Variants in LRMDA observed in about 807,000 individuals in gnomAD.
LRMDA encodes leucine-rich melanocyte differentiation-associated protein.
LRMDA carries 18 observed loss-of-function variants against 29.8 expected under a neutral mutation model. That is an observed-to-expected ratio of 0.60 (90% CI 0.42 to 0.90). LRMDA has a LOEUF of 0.90. LRMDA is among the 40% of genes least tolerant of loss of function. LRMDA has a pLI of 0.00. For missense variants in LRMDA, 273 were observed against 273.9 expected (o/e 1.00, Z 0.02); for synonymous variants, 125 against 109.4 (o/e 1.14, Z -0.89).
chr10:75,507,166 A>G (rs573438208), intron 2 of LRMDA, among the ~76,000 whole-genome samples: 3 of 150,754 alleles, frequency 2.0e-5, no homozygotes, highest in Admixed American at 6.6e-5. Flanking sequence ...CTCCCTCGGT[A>G]AATGGTGTAT....
chr10:75,530,065 A>G lies in LRMDA; in HGVS notation c.131+91571A>G, dbSNP rs182520181. 4.3e-3 allele frequency among the ~76,000 whole-genome samples: 657 copies of G among 152,214 alleles called. 3 individuals carry two copies. Among genetic ancestry groups the G allele is most frequent in the African/African-American group, 0.015 (624 of 41,568 alleles). On this transcript the variant is annotated intron_variant, in intron 2 of 6. Coordinates refer to ENST00000611255, the MANE Select transcript of LRMDA (RefSeq NM_001305581.2). ...ATAGAATTTCTTGATTCTTTAAAAC[A>G]TACATATATTTTAGGTAGTTACATA... is the stretch of plus-strand genomic sequence containing the variant.
At chr10:76,151,754 A>G (rs554248149) in intron 5 of LRMDA, among the ~76,000 whole-genome samples, 1 of 152,334 alleles carries the variant, frequency 6.6e-6, no homozygotes, top group African/African-American at 2.4e-5. Context: ...CATATTATAC[A>G]CAACATCCTA....
At chr10:76,202,459 C>A (rs1851450773) in intron 5 of LRMDA, among the ~76,000 whole-genome samples, 1 of 152,122 alleles carries the variant, frequency 6.6e-6, no homozygotes, top group South Asian at 2.1e-4. Flanking sequence ...GTGCATGTAA[C>A]TTCTCCTTGT....
intron 6 of LRMDA, among the ~76,000 whole-genome samples, chr10:76,346,763 G>T (rs963372246): frequency 6.6e-6 from 1 of 152,116 alleles, no homozygotes; most frequent in Admixed American, 6.5e-5. Context: ...AGCTTAGAAA[G>T]ATATTTCCTT....
chr10:75,980,300 T>C (rs1847143732), intron 2 of LRMDA, among the ~76,000 whole-genome samples: 1 of 152,148 alleles, frequency 6.6e-6, no homozygotes, highest in Non-Finnish European at 1.5e-5. Flanking sequence ...TCAAGCACAC[T>C]GGTGAGTGAT....
At chr10:76,085,873 C>T (rs893787425) in intron 5 of LRMDA, among the ~76,000 whole-genome samples, 1 of 152,322 alleles carries the variant, frequency 6.6e-6, no homozygotes, top group South Asian at 2.1e-4. Flanking sequence ...AAGGATTTCA[C>T]CTGCAGATAG....
chr10:76,143,250 C>A lies in LRMDA; in HGVS notation c.516+84467C>A, dbSNP rs537257110. On this transcript the variant is annotated intron_variant, in intron 5 of 6. Transcript: ENST00000611255. The stretch of plus-strand genomic sequence containing the variant: ...TCAAATGGCATTTCTAGTTCTAGAT[C>A]CCTGAGAAATCGCCACACTGACTTC... 4.2e-4 allele frequency among the ~76,000 whole-genome samples: 64 copies of A among 152,256 alleles called. No individual in the cohort carries two copies. In the East Asian group the frequency reaches 0.011, roughly 27 times the overall value.
chr10:76,504,791 T>G (rs533172630), intron 6 of LRMDA, among the ~76,000 whole-genome samples: 119 of 152,210 alleles, frequency 7.8e-4, no homozygotes, highest in Non-Finnish European at 1.4e-3. Context: ...GTGTTTAGAC[T>G]GTTTACATTC....
At chr10:76,111,108 C>T (rs1849571392) in intron 5 of LRMDA, among the ~76,000 whole-genome samples, 1 of 152,190 alleles carries the variant, frequency 6.6e-6, no homozygotes, top group African/African-American at 2.4e-5. Context: ...TTCTCATCCT[C>T]CAGTTCTTAG....
intron 2 of LRMDA, among the ~76,000 whole-genome samples, chr10:75,830,875 G>A (rs540826378): frequency 6.6e-6 from 1 of 152,232 alleles, no homozygotes; most frequent in African/African-American, 2.4e-5. Context: ...TCTGAGACAA[G>A]GCAAGTCCCT....
chr10:76,344,627 T>C lies in LRMDA; in HGVS notation c.601+20142T>C, dbSNP rs536321718. On this transcript the variant is annotated intron_variant, in intron 6 of 6. Transcript: ENST00000611255. ...TATAATGAGGGAAAATCAGCCCTATTGGATATCAAATATATTATGGAATGT... is the reference window on the plus strand; with the variant it reads ...TATAATGAGGGAAAATCAGCCCTATCGGATATCAAATATATTATGGAATGT... 2.6e-4 allele frequency among the ~76,000 whole-genome samples: 40 copies of C among 152,264 alleles called. 1 individual carries two copies. The South Asian group carries it at 2.9e-3, about 11-fold the overall frequency.
At chr10:75,894,518 A>G (rs1401632174) in intron 2 of LRMDA, among the ~76,000 whole-genome samples, 3 of 152,180 alleles carry the variant, frequency 2.0e-5, no homozygotes, top group Admixed American at 2.0e-4. Context: ...TCATATAATG[A>G]CTTCTTTTCC....
At chr10:76,329,267 T>C (rs1030252342) in intron 6 of LRMDA, among the ~76,000 whole-genome samples, 2 of 152,204 alleles carry the variant, frequency 1.3e-5, no homozygotes, top group African/African-American at 4.8e-5. Context: ...ATGGTGGTAA[T>C]GGTAAAACAG....
At chr10:75,815,234 C>A (rs984662028) in intron 2 of LRMDA, among the ~76,000 whole-genome samples, 2 of 152,176 alleles carry the variant, frequency 1.3e-5, no homozygotes, top group African/African-American at 4.8e-5. Context: ...CCAGCAAAAA[C>A]CAATGGGTGT....
intron 2 of LRMDA, among the ~76,000 whole-genome samples, chr10:75,894,922 G>C (rs1400717779): frequency 6.6e-6 from 1 of 152,200 alleles, no homozygotes; most frequent in Non-Finnish European, 1.5e-5. Flanking sequence ...CCACAAGTTA[G>C]GTAATACTGT....
intron 5 of LRMDA, among the ~76,000 whole-genome samples, chr10:76,323,548 C>T (rs1031769616): frequency 6.6e-5 from 10 of 151,988 alleles, no homozygotes; most frequent in African/African-American, 1.9e-4. Flanking sequence ...AGAGTTACAG[C>T]GGTAATGCTT....
chr10:75,814,895 G>A (rs550362156), intron 2 of LRMDA, among the ~76,000 whole-genome samples: 15 of 152,216 alleles, frequency 9.9e-5, no homozygotes, highest in African/African-American at 2.4e-4. Context: ...TAAGAAAATC[G>A]TTGCACATTA....
chr10:76,057,935 C>T (rs968197381), intron 4 of LRMDA, among the ~76,000 whole-genome samples: 1 of 152,126 alleles, frequency 6.6e-6, no homozygotes, highest in South Asian at 2.1e-4. Context: ...TCCATATATA[C>T]CTATTTGAGG....
At chr10:75,619,198 G>T (rs1841149223) in intron 2 of LRMDA, among the ~76,000 whole-genome samples, 1 of 152,146 alleles carries the variant, frequency 6.6e-6, no homozygotes, top group South Asian at 2.1e-4. Flanking sequence ...GGAAGAGGAG[G>T]TCTTGGTGTT....
Sources: gnomAD v4.1 joint callset for allele counts (sites outside exome capture counted in the v4.1 genomes callset) on GRCh38, gnomAD v4.1.1 for gene constraint, MANE v1.5 for transcripts, NCBI Gene and HGNC (gene_info 2026-07-23, HGNC 2026-07-21) for gene names.